The following SRPK2 variants were observed in gnomAD, a reference collection of about 807,000 sequenced individuals.
SRPK2 encodes the protein SRSF protein kinase 2, also known as SFRS protein kinase 2.
SRPK2 carries 21 observed loss-of-function variants against 90.8 expected under a neutral mutation model. That is an observed-to-expected ratio of 0.23 (90% CI 0.16 to 0.33). The LOEUF (loss-of-function observed/expected upper bound fraction) is 0.33. SRPK2 is among the 10% of genes least tolerant of loss of function. The pLI, the probability that SRPK2 is intolerant of heterozygous loss-of-function variation, is 1.00. For synonymous variants in SRPK2, 288 were observed against 311.1 expected (o/e 0.93, Z 0.78); for missense variants, 620 against 869.0 (o/e 0.71, Z 3.60).
intron 2 of SRPK2, among the ~76,000 whole-genome samples, chr7:105,204,078 C>A (rs1316270596): frequency 2.6e-5 from 4 of 152,118 alleles, no homozygotes; most frequent in African/African-American, 9.7e-5. Context: ...GTGCGCTCCA[C>A]TCAACTCCTA....
chr7:105,177,518 A>G (rs1164537446), intron 3 of SRPK2, among the ~76,000 whole-genome samples: 2 of 152,210 alleles, frequency 1.3e-5, no homozygotes, highest in Non-Finnish European at 2.9e-5. Flanking sequence ...CAAGATTTTC[A>G]ACATAAAAGA....
At chr7:105,260,167 C>A (rs989519526) in intron 2 of SRPK2, among the ~76,000 whole-genome samples, 12 of 151,918 alleles carry the variant, frequency 7.9e-5, no homozygotes, top group South Asian at 2.1e-4. Flanking sequence ...CAGAATCTAC[C>A]AAGAACTTAA....
At chr7:105,319,437 A>G (rs536754597) in intron 2 of SRPK2, among the ~76,000 whole-genome samples, 3 of 132,754 alleles carry the variant, frequency 2.3e-5, no homozygotes, top group South Asian at 2.4e-4. Context: ...CTTAAGAAAC[A>G]TACTGGTGAT....
chr7:105,200,488 C>T (rs1795414777), intron 3 of SRPK2, among the ~76,000 whole-genome samples: 1 of 152,014 alleles, frequency 6.6e-6, no homozygotes, highest in Non-Finnish European at 1.5e-5. Flanking sequence ...CCACCCGAGA[C>T]AGAAAGTCAG....
chr7:105,332,045 A>G (rs1814484155), intron 2 of SRPK2, among the ~76,000 whole-genome samples: 1 of 152,214 alleles, frequency 6.6e-6, no homozygotes, highest in Admixed American at 6.6e-5. Flanking sequence ...GAAAGCCAGC[A>G]GCACAAAGGC....
intron 3 of SRPK2, among the ~76,000 whole-genome samples, chr7:105,184,310 T>C (rs932594682): frequency 6.6e-6 from 1 of 152,116 alleles, no homozygotes; most frequent in African/African-American, 2.4e-5. Flanking sequence ...ATTTCTTACA[T>C]ACATAATGCC....
chr7:105,183,807 C>T (rs1793210414), intron 3 of SRPK2, among the ~76,000 whole-genome samples: 1 of 151,992 alleles, frequency 6.6e-6, no homozygotes, highest in African/African-American at 2.4e-5. Flanking sequence ...TTTTAAGAGG[C>T]CATGTCTAGA....
intron 2 of SRPK2, among the ~76,000 whole-genome samples, chr7:105,341,726 G>A (rs1456622210): frequency 1.3e-5 from 2 of 152,026 alleles, no homozygotes; most frequent in African/African-American, 2.4e-5. Flanking sequence ...CCAGCACTTT[G>A]GGAGGCTGAG....
intron 2 of SRPK2, among the ~76,000 whole-genome samples, chr7:105,335,567 G>A (rs1814995967): frequency 6.6e-6 from 1 of 151,666 alleles, no homozygotes; most frequent in South Asian, 2.1e-4. Context: ...TGAGGTGGGA[G>A]GCTCGACTGA....
At chr7:105,306,691 C>T in intron 2 of SRPK2, 1 of 340,152 alleles carries the variant, frequency 2.9e-6, no homozygotes, top group South Asian at 2.4e-5. Flanking sequence ...TTACAAATAT[C>T]TTTATCTGCA....
At chr7:105,353,730 G>GA (rs889546504) in intron 2 of SRPK2, among the ~76,000 whole-genome samples, 1 of 151,952 alleles carries the variant, frequency 6.6e-6, no homozygotes, top group Non-Finnish European at 1.5e-5. Context: ...TCCTTCTCCA[G>GA]AAAATCCCAC....
intron 3 of SRPK2, among the ~76,000 whole-genome samples, chr7:105,181,099 C>T (rs1168737765): frequency 6.6e-6 from 1 of 152,138 alleles, no homozygotes; most frequent in East Asian, 1.9e-4. Context: ...TACATGCGGC[C>T]AATAAGCATA....
intron 11 of SRPK2, among the ~76,000 whole-genome samples, chr7:105,136,484 C>T (rs945528969): frequency 1.3e-5 from 2 of 152,182 alleles, no homozygotes; most frequent in African/African-American, 2.4e-5. Flanking sequence ...CTTGCAATTG[C>T]ACTCTGCTTC....
intron 2 of SRPK2, among the ~76,000 whole-genome samples, chr7:105,348,192 C>T (rs150732079): frequency 6.5e-4 from 98 of 150,002 alleles, no homozygotes; most frequent in Middle Eastern, 3.5e-3. Flanking sequence ...ATGCCTCAGC[C>T]TCCTCAGTAG....
intron 7 of SRPK2, among the ~76,000 whole-genome samples, chr7:105,156,588 C>T (rs985524526): frequency 1.3e-5 from 2 of 152,136 alleles, no homozygotes; most frequent in Admixed American, 6.5e-5. Flanking sequence ...GCAGCCTTGA[C>T]CCCTTGGGCT....
intron 2 of SRPK2, among the ~76,000 whole-genome samples, chr7:105,319,507 G>GA (rs1812671486): frequency 8.9e-6 from 1 of 112,634 alleles, no homozygotes; most frequent in African/African-American, 3.6e-5. Context: ...CTTGCGGCGG[G>GA]GGGGGGGGGG....
intron 2 of SRPK2, among the ~76,000 whole-genome samples, chr7:105,279,536 CAG>C (rs1806986941): frequency 6.6e-6 from 1 of 152,132 alleles, no homozygotes; most frequent in South Asian, 2.1e-4. Flanking sequence ...AGCAAGAAGA[CAG>C]AGAGGAAGCT....
chr7:105,234,801 A>G (rs1799925162), intron 2 of SRPK2, among the ~76,000 whole-genome samples: 1 of 151,592 alleles, frequency 6.6e-6, no homozygotes, highest in African/African-American at 2.4e-5. Context: ...ATGAAGCAGG[A>G]AAAAAAAAGG....
chr7:105,381,451 G>A (rs879678648), intron 2 of SRPK2, among the ~76,000 whole-genome samples: 2 of 151,954 alleles, frequency 1.3e-5, no homozygotes, highest in Admixed American at 6.6e-5. Flanking sequence ...CTGGGCAACA[G>A]AGCAAGACTC....
Sources: gnomAD v4.1 joint callset for allele counts (sites outside exome capture counted in the v4.1 genomes callset) on GRCh38, gnomAD v4.1.1 for gene constraint, MANE v1.5 for transcripts, NCBI Gene and HGNC (gene_info 2026-07-23, HGNC 2026-07-21) for gene names.